ARID4B: variants seen among roughly 807,000 people sequenced by gnomAD.
ARID4B encodes AT-rich interactive domain-containing protein 4B.
Under a neutral mutation model 147.5 loss-of-function variants are expected in ARID4B, and 26 were observed. That is an observed-to-expected ratio of 0.18 (90% CI 0.13 to 0.24). The LOEUF (loss-of-function observed/expected upper bound fraction) is 0.24. Ranked by LOEUF, ARID4B falls within the 10% of genes least tolerant of loss-of-function variation. The probability of loss-of-function intolerance (pLI) is 1.00; values close to 1 mark genes in which losing one functional copy is unlikely to be tolerated. For synonymous variants in ARID4B, 512 were observed against 507.9 expected (o/e 1.01, Z -0.11); for missense variants, 1,179 against 1,511.5 (o/e 0.78, Z 3.65).
rs537621341 is a variant in ARID4B, at chr1:235,170,324, A to AC, written c.3812-1673dup. On this transcript the variant is annotated intron_variant, in intron 23 of 23. Coordinates refer to ENST00000264183, the MANE Select transcript of ARID4B (RefSeq NM_016374.6). ...GAGACCACATGGCCCACAAAGCCTA[A>AC]CATATTTATTGTCTCTTTACAGAAA... is the stretch of plus-strand genomic sequence containing the variant. 1.1e-3 allele frequency among the ~76,000 whole-genome samples: 172 copies of AC among 152,380 alleles called. 1 individual carries two copies. Among genetic ancestry groups the AC allele is most frequent in the African/African-American group, 4.1e-3 (169 of 41,600 alleles).
intron 10 of ARID4B, among the ~76,000 whole-genome samples, chr1:235,230,385 G>A (rs1404484595): frequency 6.6e-6 from 1 of 150,506 alleles, no homozygotes; most frequent in African/African-American, 2.4e-5. Context: ...CTGCAACCTG[G>A]GCGACAGAGC....
At chr1:235,286,453 T>A (rs544105035) in intron 2 of ARID4B, among the ~76,000 whole-genome samples, 23 of 152,328 alleles carry the variant, frequency 1.5e-4, no homozygotes, top group Admixed American at 2.6e-4. Context: ...GTTAAACAGT[T>A]AAGTTACCAT....
intron 21 of ARID4B, 92 bp downstream of exon 21, chr1:235,177,708 A>T: frequency 1.3e-6 from 1 of 765,422 alleles, no homozygotes; most frequent in Non-Finnish European, 2.1e-6. Context: ...AAAATAGTGT[A>T]CTATCCCATA....
intron 2 of ARID4B, among the ~76,000 whole-genome samples, chr1:235,294,307 C>T (rs11579629): frequency 0.13 from 17,118 of 130,108 alleles, 1,384 homozygotes; most frequent in African/African-American, 0.19. Context: ...TGCAAACCAG[C>T]AGCATTTTTT....
At chr1:235,322,058 T>C (rs868785197) in intron 2 of ARID4B, among the ~76,000 whole-genome samples, 1 of 151,934 alleles carries the variant, frequency 6.6e-6, no homozygotes, top group East Asian at 1.9e-4. Flanking sequence ...GACAGAGTAT[T>C]GCTCTTGTCA....
At chr1:235,298,332 G>A (rs1271973122) in intron 2 of ARID4B, among the ~76,000 whole-genome samples, 2 of 151,946 alleles carry the variant, frequency 1.3e-5, no homozygotes, top group Non-Finnish European at 2.9e-5. Flanking sequence ...ACCATGAAGT[G>A]TATTCGTCTC....
chr1:235,169,230 G>A (rs547651786), intron 23 of ARID4B, among the ~76,000 whole-genome samples: 177 of 147,950 alleles, frequency 1.2e-3, no homozygotes, highest in African/African-American at 3.1e-3. Context: ...TCCTTTTTTC[G>A]TTTTTTTTTG....
chr1:235,315,742 G>A (rs989898691), intron 2 of ARID4B, among the ~76,000 whole-genome samples: 4 of 152,116 alleles, frequency 2.6e-5, no homozygotes, highest in African/African-American at 7.2e-5. Context: ...CTATACTTAC[G>A]TCTAACTGTA....
chr1:235,181,598 T>C lies in ARID4B; in HGVS notation c.3321A>G (p.Glu1107=). 1 of 1,612,356 alleles carries C rather than the reference T, an allele frequency of 6.2e-7. No individual in the cohort carries two copies. Among genetic ancestry groups the C allele is most frequent in the Non-Finnish European group, 8.5e-7 (1 of 1,179,820 alleles). Reference sequence around the variant, plus strand: ...TTTCCTTCTCACCTTTTTCAGGATGTTCTGGTTCTGGCTGATTACTACTGC... The same window carrying C: ...TTTCCTTCTCACCTTTTTCAGGATGCTCTGGTTCTGGCTGATTACTACTGC... ...SSSSSNQPEP[E]HPEKACTGQK... The change falls in exon 20 of 24, where the codon GAA becomes GAG. Residue 1107 remains glutamate, a synonymous_variant. Coordinates refer to ENST00000264183, the MANE Select transcript of ARID4B (RefSeq NM_016374.6).
chr1:235,210,501 G>A (rs2103000619), intron 17 of ARID4B, among the ~76,000 whole-genome samples: 1 of 152,116 alleles, frequency 6.6e-6, no homozygotes, highest in East Asian at 1.9e-4. Flanking sequence ...CAGAACTGGA[G>A]GAGCCGCAAA....
intron 2 of ARID4B, among the ~76,000 whole-genome samples, chr1:235,285,039 A>G (rs1671887831): frequency 6.6e-6 from 1 of 151,986 alleles, no homozygotes; most frequent in Non-Finnish European, 1.5e-5. Context: ...AAGCCTCCCA[A>G]GTAGCTGGGA....
chr1:235,254,954 GAC>G (rs1218342256), intron 5 of ARID4B, among the ~76,000 whole-genome samples: 1 of 151,894 alleles, frequency 6.6e-6, no homozygotes, highest in Non-Finnish European at 1.5e-5. Context: ...TGAGAAAACA[GAC>G]AGTGTCTTTT....
At chr1:235,201,821 T>C (rs1464745584) in intron 17 of ARID4B, among the ~76,000 whole-genome samples, 3 of 151,746 alleles carry the variant, frequency 2.0e-5, no homozygotes, top group African/African-American at 4.8e-5. Flanking sequence ...AAGGCAGAGG[T>C]TGCAGTGAGC....
intron 19 of ARID4B, among the ~76,000 whole-genome samples, chr1:235,193,093 CAAA>C (rs1055909221): frequency 9.0e-6 from 1 of 110,706 alleles, no homozygotes; most frequent in Non-Finnish European, 1.9e-5. Flanking sequence ...GACTCCGTCT[CAAA>C]AAAAAAAAAA....
At chr1:235,198,361 G>C (rs1021224512) in intron 17 of ARID4B, among the ~76,000 whole-genome samples, 38 of 152,254 alleles carry the variant, frequency 2.5e-4, no homozygotes, top group African/African-American at 8.9e-4. Context: ...TTGCACATTT[G>C]TATATTTTAC....
intron 2 of ARID4B, among the ~76,000 whole-genome samples, chr1:235,320,122 TC>T (rs1674720509): frequency 7.2e-6 from 1 of 138,698 alleles, no homozygotes; most frequent in Admixed American, 6.9e-5. Flanking sequence ...CGAAACTCCG[TC>T]TAAAAAAAAA....
intron 2 of ARID4B, among the ~76,000 whole-genome samples, chr1:235,273,870 C>A (rs1225377619): frequency 1.3e-5 from 2 of 152,210 alleles, no homozygotes; most frequent in Non-Finnish European, 2.9e-5. Context: ...TAAACTAGTA[C>A]AAAACCTTTG....
chr1:235,220,500 T>G lies in ARID4B; in HGVS notation c.1209A>C (p.Glu403Asp). 6.2e-7 allele frequency: 1 copy of G among 1,612,444 alleles called. No individual in the cohort carries two copies. The highest frequency in any genetic ancestry group is 8.5e-7 in the Non-Finnish European group (1 of 1,178,842). Residue 403 changes from glutamate to aspartate, a missense_variant, in exon 15 of 24, where the codon GAA becomes GAC. This residue lies in a region of ARID4B where 204 missense variants were observed against 210.9 expected (regional missense o/e 0.97). Coordinates refer to ENST00000264183, the MANE Select transcript of ARID4B (RefSeq NM_016374.6). Reference protein sequence around the residue: ...FEEYCRSANIEFQMALPEKVV... With the variant: ...FEEYCRSANIDFQMALPEKVV... ...CTTTCTCTGGCAATGCCATCTGAAA[T>G]TCAATGTTGGCTGATCTACAGTACT...
Position 235,214,653 on chromosome 1 carries a change from A to G in ARID4B, c.1584-627T>C, listed in dbSNP as rs1225811193. ...GAAATATTCTAATAATGTACTACCAATATCTTATCATGTTTGTTCTTTCCT... is the reference window on the plus strand; with the variant it reads ...GAAATATTCTAATAATGTACTACCAGTATCTTATCATGTTTGTTCTTTCCT... On this transcript the variant is annotated intron_variant, in intron 16 of 23. Transcript: ENST00000264183. 2.0e-5 allele frequency among the ~76,000 whole-genome samples: 3 copies of G among 152,082 alleles called. No individual in the cohort carries two copies. In the South Asian group the frequency reaches 6.2e-4, roughly 31 times the overall value.
Sources: allele counts gnomAD v4.1 joint callset (sites outside exome capture counted in the v4.1 genomes callset), GRCh38; gene constraint gnomAD v4.1.1; regional missense constraint gnomAD v4.1.1; transcripts MANE v1.5; gene names NCBI Gene and HGNC (gene_info 2026-07-23, HGNC 2026-07-21).